Variants in ADGRL2 observed in about 807,000 individuals in gnomAD.
ADGRL2 encodes the protein calcium-independent alpha-latrotoxin receptor 2.
In ADGRL2, 44 loss-of-function variants were observed where a neutral mutation model predicts 157.4. The ratio of observed to expected loss-of-function variants is 0.28; its 90% CI spans 0.22 to 0.36. The LOEUF (loss-of-function observed/expected upper bound fraction) is 0.36. Ranked by LOEUF, ADGRL2 falls within the 10% of genes least tolerant of loss-of-function variation. ADGRL2 has a pLI of 1.00. For missense variants in ADGRL2, 1,510 were observed against 1,768.9 expected, an observed-to-expected ratio of 0.85 and a Z score of 2.63; for synonymous variants, 585 against 624.7, an observed-to-expected ratio of 0.94 and a Z score of 0.95.
rs563462821 is a variant in ADGRL2 at position 81,776,281 on chromosome 1, C to T, written c.-101+14429C>T. Among the ~76,000 whole-genome samples the T allele has an allele frequency of 3.5e-4, 53 of 151,572 alleles. No individual in the cohort carries two copies. The South Asian group carries it at 9.4e-3, about 27-fold the overall frequency. On this transcript the variant is annotated intron_variant, in intron 2 of 20. Transcript: ENST00000359929. ...TCTGCTCACTGCAACCTCTGCCTCT[C>T]GAGTTCAAGCAATTCTCCTGCCTCT... is the stretch of plus-strand genomic sequence containing the variant.
At position 81,747,234 on chromosome 1, in the gene ADGRL2, C is replaced by T. The variant is rs549519570; in HGVS notation, c.-142-14577C>T. ...GTATGTGTGTATATATGTATATATACATATATATGTATATGTGTGTATATA... is the reference window on the plus strand; with the variant it reads ...GTATGTGTGTATATATGTATATATATATATATATGTATATGTGTGTATATA... On this transcript the variant is annotated intron_variant, in intron 1 of 20. Transcript: ENST00000359929. Among the ~76,000 whole-genome samples, 803 of 142,768 alleles carry T rather than the reference C, an allele frequency of 5.6e-3. 5 individuals carry two copies. The highest frequency in any genetic ancestry group is 0.02 in the African/African-American group (760 of 37,934). The allele number at this position is 142,768 out of a possible 152,430, so 93.7% of individuals were successfully genotyped here. A position where few individuals can be genotyped will look rare whatever the true frequency, so the allele number is the denominator to read the frequency against.
At chr1:81,868,506 C>G (rs780236415) in intron 2 of ADGRL2, among the ~76,000 whole-genome samples, 1 of 152,116 alleles carries the variant, frequency 6.6e-6, no homozygotes, top group Non-Finnish European at 1.5e-5. Context: ...CTTCGGTAAG[C>G]TCTCCTGGGT....
At chr1:81,885,939 A>T (rs572568241) in intron 2 of ADGRL2, among the ~76,000 whole-genome samples, 1 of 152,288 alleles carries the variant, frequency 6.6e-6, no homozygotes, top group Non-Finnish European at 1.5e-5. Context: ...GAAAATTTAG[A>T]CAGGTCAGAT....
intron 3 of ADGRL2, among the ~76,000 whole-genome samples, chr1:81,631,256 G>A (rs2082005757): frequency 6.6e-6 from 1 of 150,868 alleles, no homozygotes; most frequent in African/African-American, 2.4e-5. Flanking sequence ...TTGCTGTGTT[G>A]CCCAGGCTGG....
At position 81,616,654 on chromosome 1, in the gene ADGRL2, T is replaced by TTTTTCTTTTC. The variant is rs374350208; in HGVS notation, c.-143+35694_-143+35703dup. ...CACTTCTAGTTTTTTGGGTTTTTTT[T>TTTTTCTTTTC]TTTTCTTTTCTTTTCTTTTCTTTTC... On this transcript the variant is annotated intron_variant, in intron 3 of 24. Coordinates refer to the ADGRL2 transcript ENST00000370721. Among the ~76,000 whole-genome samples the TTTTTCTTTTC allele has an allele frequency of 6.0e-3, 628 of 104,578 alleles. 4 individuals carry two copies. The highest frequency in any genetic ancestry group is 0.011 in the Non-Finnish European group (525 of 49,184). 68.6% of individuals were successfully genotyped at this position (104,578 alleles called of 152,430 possible).
At chr1:81,776,688 C>T (rs1036342033) in intron 2 of ADGRL2, among the ~76,000 whole-genome samples, 8 of 152,134 alleles carry the variant, frequency 5.3e-5, no homozygotes, top group African/African-American at 1.9e-4. Context: ...TGTAAACATG[C>T]ACATACATAT....
chr1:81,508,912 G>A (rs2079027428), intron 2 of ADGRL2, among the ~76,000 whole-genome samples: 1 of 152,154 alleles, frequency 6.6e-6, no homozygotes, highest in African/African-American at 2.4e-5. Flanking sequence ...ACCTCAGAAA[G>A]TCCCCAGCCC....
chr1:81,641,714 T>C (rs182053563), intron 3 of ADGRL2, among the ~76,000 whole-genome samples: 1 of 152,268 alleles, frequency 6.6e-6, no homozygotes, highest in Non-Finnish European at 1.5e-5. Context: ...ATTGTGTGCA[T>C]ATATTAGGAA....
chr1:81,424,064 C>A (rs2077170978), intron 1 of ADGRL2, among the ~76,000 whole-genome samples: 1 of 152,174 alleles, frequency 6.6e-6, no homozygotes, highest in Non-Finnish European at 1.5e-5. Context: ...AAGGACACTT[C>A]AATTTCTCTT....
intron 2 of ADGRL2, among the ~76,000 whole-genome samples, chr1:81,541,613 T>C (rs930483962): frequency 6.6e-6 from 1 of 152,142 alleles, no homozygotes; most frequent in Admixed American, 6.5e-5. Context: ...AGATCAAATG[T>C]AGCAAATGAT....
At chr1:81,452,031 T>C (rs1446256118) in intron 2 of ADGRL2, among the ~76,000 whole-genome samples, 1 of 152,166 alleles carries the variant, frequency 6.6e-6, no homozygotes. Flanking sequence ...TGTTTTCTTG[T>C]TCAACTTTCC....
intron 4 of ADGRL2, among the ~76,000 whole-genome samples, chr1:81,941,357 T>G (rs1172677021): frequency 6.6e-6 from 1 of 151,524 alleles, no homozygotes; most frequent in Non-Finnish European, 1.5e-5. Flanking sequence ...TGGGGGGATA[T>G]TGATATATTC....
chr1:81,648,777 C>T (rs541036193), intron 3 of ADGRL2, among the ~76,000 whole-genome samples: 1 of 152,224 alleles, frequency 6.6e-6, no homozygotes, highest in African/African-American at 2.4e-5. Flanking sequence ...GAAGAGGCTT[C>T]CTAGCCTGAA....
chr1:81,802,655 C>G (rs1290396443), intron 1 of ADGRL2, among the ~76,000 whole-genome samples: 1 of 152,056 alleles, frequency 6.6e-6, no homozygotes, highest in Non-Finnish European at 1.5e-5. Flanking sequence ...GAAGCGCGTC[C>G]TCGGCGGAGC....
At chr1:81,650,875 A>G (rs2082407039) in intron 3 of ADGRL2, among the ~76,000 whole-genome samples, 1 of 152,126 alleles carries the variant, frequency 6.6e-6, no homozygotes, top group South Asian at 2.1e-4. Context: ...TGTGGAGAGT[A>G]TATTTGTTTA....
chr1:81,755,407 C>A (rs573626688), intron 1 of ADGRL2, among the ~76,000 whole-genome samples: 12 of 151,844 alleles, frequency 7.9e-5, no homozygotes, highest in Admixed American at 7.2e-4. Context: ...CATATAAGGG[C>A]ATAATTATAA....
chr1:81,722,036 T>C, intron 1 of ADGRL2: 1 of 427,582 alleles, frequency 2.3e-6, no homozygotes, highest in South Asian at 2.0e-5. Flanking sequence ...CTCACGCCTG[T>C]TATCGCAGCA....
intron 2 of ADGRL2, among the ~76,000 whole-genome samples, chr1:81,510,384 T>A (rs948508470): frequency 6.6e-6 from 1 of 152,078 alleles, no homozygotes; most frequent in Non-Finnish European, 1.5e-5. Flanking sequence ...AGGTCCTAGG[T>A]GAGTAATGAA....
At chr1:81,942,834 T>C in intron 5 of ADGRL2, 135 bp from the exon 6 acceptor site, 1 of 724,332 alleles carries the variant, frequency 1.4e-6, no homozygotes, top group Non-Finnish European at 2.5e-6. Context: ...GTAGTATTTG[T>C]ATGAAGTATA....
Sources: allele counts gnomAD v4.1 joint callset (sites outside exome capture counted in the v4.1 genomes callset), GRCh38; gene constraint gnomAD v4.1.1; transcripts MANE v1.5; gene names NCBI Gene and HGNC (gene_info 2026-07-23, HGNC 2026-07-21).